Variants in GADL1 observed in about 807,000 individuals in gnomAD.
GADL1 encodes the protein acidic amino acid decarboxylase GADL1.
Under a neutral mutation model 69.5 loss-of-function variants are expected in GADL1, and 71 were observed. The ratio of observed to expected loss-of-function variants is 1.02; its 90% CI spans 0.84 to 1.25. The LOEUF is 1.25. Ranked by LOEUF, GADL1 falls within the 50% of genes most tolerant of loss-of-function variation. The pLI is 0.00. For synonymous variants in GADL1, 254 were observed against 214.4 expected (o/e 1.18, Z -1.62); for missense variants, 737 against 631.8 (o/e 1.17, Z -1.79).
At position 30,800,914 on chromosome 3, in the gene GADL1, CTCTT is replaced by C. The variant is rs1559503709; in HGVS notation, c.1221_1224del (p.Arg408LeufsTer11). 5 of 1,611,568 alleles carry C rather than the reference CTCTT, an allele frequency of 3.1e-6. No homozygotes were observed. The highest frequency in any genetic ancestry group is 4.5e-5 in the East Asian group (2 of 44,798). On this transcript the variant is annotated frameshift_variant, in exon 12 of 15. Coordinates refer to ENST00000282538, the MANE Select transcript of GADL1 (RefSeq NM_207359.3). LOFTEE classifies it high-confidence loss of function. The stretch of plus-strand genomic sequence containing the variant: ...CTAGATAAAGCAAGAGCACGATTAA[CTCTT>C]TCTTCAAGGCCTAATGTACCCAGGG...
intron 11 of GADL1, among the ~76,000 whole-genome samples, chr3:30,820,266 T>C (rs544810431): frequency 8.5e-5 from 13 of 152,114 alleles, no homozygotes; most frequent in African/African-American, 3.1e-4. Context: ...CTAGATAATT[T>C]CTCAAGATTT....
At chr3:30,797,293 T>C (rs1443285465) in intron 12 of GADL1, among the ~76,000 whole-genome samples, 1 of 152,192 alleles carries the variant, frequency 6.6e-6, no homozygotes, top group Non-Finnish European at 1.5e-5. Context: ...AAACAATTGT[T>C]GTTTTAACAC....
At chr3:30,803,765 TTA>T (rs1178526567) in intron 11 of GADL1, among the ~76,000 whole-genome samples, 2 of 152,238 alleles carry the variant, frequency 1.3e-5, no homozygotes, top group Non-Finnish European at 2.9e-5. Flanking sequence ...GCATTTTAGT[TTA>T]TGTCCTTGTA....
At chr3:30,755,010 G>GA (rs1201730357) in intron 14 of GADL1, among the ~76,000 whole-genome samples, 2 of 152,152 alleles carry the variant, frequency 1.3e-5, no homozygotes, top group Non-Finnish European at 2.9e-5. Flanking sequence ...CAGCATCTCT[G>GA]AAAAGATTTC....
At chr3:30,758,785 A>G (rs1474381611) in intron 14 of GADL1, among the ~76,000 whole-genome samples, 1 of 152,240 alleles carries the variant, frequency 6.6e-6, no homozygotes, top group Non-Finnish European at 1.5e-5. Flanking sequence ...AAGTACTTTC[A>G]TAAACAGAAT....
chr3:30,809,635 C>T (rs1163799469), intron 11 of GADL1, among the ~76,000 whole-genome samples: 3 of 152,156 alleles, frequency 2.0e-5, no homozygotes, highest in Non-Finnish European at 2.9e-5. Flanking sequence ...CTCCAATTCT[C>T]ACTTCCTTCC....
chr3:30,755,520 T>C (rs1175351620), intron 14 of GADL1, among the ~76,000 whole-genome samples: 1 of 152,214 alleles, frequency 6.6e-6, no homozygotes, highest in African/African-American at 2.4e-5. Context: ...AGGAATTTCT[T>C]GGGCCTGTCC....
chr3:30,758,412 TTA>T (rs1696032328), intron 14 of GADL1, among the ~76,000 whole-genome samples: 2 of 42,324 alleles, frequency 4.7e-5, no homozygotes, highest in Admixed American at 2.8e-4. Context: ...GTATTGCCTT[TTA>T]TCTTTCCCGT....
At chr3:30,784,745 T>C (rs1409154701) in intron 13 of GADL1, among the ~76,000 whole-genome samples, 1 of 152,208 alleles carries the variant, frequency 6.6e-6, no homozygotes, top group East Asian at 1.9e-4. Flanking sequence ...GAATAATCTT[T>C]TAACATGCAA....
chr3:30,877,057 A>C (rs1698585544), intron 1 of GADL1, among the ~76,000 whole-genome samples: 1 of 151,948 alleles, frequency 6.6e-6, no homozygotes, highest in African/African-American at 2.4e-5. Context: ...CTAGGCACTT[A>C]TATTACACGT....
intron 14 of GADL1, among the ~76,000 whole-genome samples, chr3:30,746,060 C>T (rs1006444272): frequency 6.6e-6 from 1 of 150,942 alleles, no homozygotes; most frequent in Non-Finnish European, 1.5e-5. Context: ...GGGGTCTTGG[C>T]TCACCGCAGC....
At chr3:30,803,663 A>G (rs1263379808) in intron 11 of GADL1, among the ~76,000 whole-genome samples, 1 of 152,218 alleles carries the variant, frequency 6.6e-6, no homozygotes, top group Non-Finnish European at 1.5e-5. Context: ...TGGCACTAAA[A>G]AATTCTGCCT....
chr3:30,787,738 A>G (rs1696826969), intron 12 of GADL1, among the ~76,000 whole-genome samples: 1 of 152,164 alleles, frequency 6.6e-6, no homozygotes, highest in Non-Finnish European at 1.5e-5. Context: ...CAAGTCTCTT[A>G]CCTGTAAAAC....
At position 30,871,763 on chromosome 3, in the gene GADL1, G is replaced by A. The variant is rs903979734; in HGVS notation, c.38-9998C>T. 4.0e-5 allele frequency among the ~76,000 whole-genome samples: 6 copies of A among 151,874 alleles called. 1 individual carries two copies. Among genetic ancestry groups the A allele is most frequent in the African/African-American group, 1.2e-4 (5 of 41,388 alleles). ...GGCATCCCCACAAACCAAAGAGCCA[G>A]GTCCATAAACACCATCCAGCTTCTG... On this transcript the variant is annotated intron_variant, in intron 1 of 14. Transcript: ENST00000282538.
At chr3:30,754,973 C>A (rs74571313) in intron 14 of GADL1, among the ~76,000 whole-genome samples, 3 of 151,700 alleles carry the variant, frequency 2.0e-5, no homozygotes, top group African/African-American at 4.9e-5. Context: ...GGAAGCAGAC[C>A]AAAACGGGGG....
chr3:30,816,530 C>CTTTTTTTTTTTTT lies in GADL1; in HGVS notation c.1051-15455_1051-15443dup, dbSNP rs773530741. 2.1e-3 allele frequency among the ~76,000 whole-genome samples: 111 copies of CTTTTTTTTTTTTT among 53,986 alleles called. 31 individuals carry two copies. The highest frequency in any genetic ancestry group is 3.2e-3 in the Non-Finnish European group (81 of 25,434). The allele number at this position is 53,986 out of a possible 152,430, so 35.4% of individuals were successfully genotyped here. Reference sequence around the variant, plus strand: ...AGACCATATATTCTTAATTTGTTTTCTTTTTTTTTTTTTTTTTTTTTTTTT... The same window carrying CTTTTTTTTTTTTT: ...AGACCATATATTCTTAATTTGTTTTCTTTTTTTTTTTTTTTTTTTTTTTTTTTTTTTTTTTTTT... On this transcript the variant is annotated intron_variant, in intron 11 of 14. Coordinates refer to ENST00000282538, the MANE Select transcript of GADL1 (RefSeq NM_207359.3).
At chr3:30,764,521 CT>C (rs1696222965) in intron 14 of GADL1, among the ~76,000 whole-genome samples, 1 of 152,112 alleles carries the variant, frequency 6.6e-6, no homozygotes, top group African/African-American at 2.4e-5. Flanking sequence ...TTTCGTACTA[CT>C]TGGTCCCTTG....
At chr3:30,742,160 T>C (rs545020386) in intron 14 of GADL1, among the ~76,000 whole-genome samples, 13 of 152,194 alleles carry the variant, frequency 8.5e-5, no homozygotes, top group Admixed American at 2.0e-4. Flanking sequence ...AGACATCATA[T>C]TCCCTCTGTG....
At chr3:30,891,551 A>G (rs1457595553) in intron 1 of GADL1, among the ~76,000 whole-genome samples, 1 of 152,050 alleles carries the variant, frequency 6.6e-6, no homozygotes. Context: ...GCCAGGGATT[A>G]GGTGTTAGGA....
Sources: gnomAD v4.1 joint callset for allele counts (sites outside exome capture counted in the v4.1 genomes callset) on GRCh38, gnomAD v4.1.1 for gene constraint, MANE v1.5 for transcripts, NCBI Gene and HGNC (gene_info 2026-07-23, HGNC 2026-07-21) for gene names.